Variants in VCL observed in about 807,000 individuals in gnomAD.
The protein encoded by VCL is vinculin.
Under a neutral mutation model 125.7 loss-of-function variants are expected in VCL, and 47 were observed. The observed-to-expected ratio is 0.37, with a 90% CI of 0.30 to 0.48. The LOEUF (loss-of-function observed/expected upper bound fraction) is 0.48. Ranked by LOEUF, VCL falls within the 20% of genes least tolerant of loss-of-function variation. The pLI is 0.99. For synonymous variants in VCL, 458 were observed against 514.6 expected, an observed-to-expected ratio of 0.89 and a Z score of 1.49; for missense variants, 1,069 against 1,455.5, an observed-to-expected ratio of 0.73 and a Z score of 4.32.
At chr10:74,082,588 TA>T in intron 7 of VCL, 44 bp downstream of exon 7, 8 of 1,596,166 alleles carry the variant, frequency 5.0e-6, no homozygotes, top group Non-Finnish European at 6.9e-6. Flanking sequence ...AACGAGAAGC[TA>T]AAAACCAAGC....
intron 2 of VCL, among the ~76,000 whole-genome samples, chr10:74,059,203 A>T (rs190835094): frequency 6.6e-6 from 1 of 152,076 alleles, no homozygotes; most frequent in East Asian, 1.9e-4. Flanking sequence ...AAAAATACAA[A>T]AACTAGTTCG....
rs1363606666 is a variant in VCL, at chr10:74,118,967, T to C, written c.*798T>C. On this transcript the variant is annotated 3_prime_UTR_variant, in exon 22 of 22. Transcript: ENST00000211998. The stretch of plus-strand genomic sequence containing the variant: ...CCATGAACACACTGTGTCCTGGTGC[T>C]CTCTGCCACTGGAAGGGCAGAGTAG... 1 of 152,846 alleles carries C rather than the reference T, an allele frequency of 6.5e-6. No individual in the cohort carries two copies. Among genetic ancestry groups the C allele is most frequent in the African/African-American group, 2.4e-5 (1 of 41,430 alleles). The allele number at this position is 152,846 out of a possible 1,614,324, so 9.5% of individuals were successfully genotyped here.
At chr10:74,018,196 AT>A (rs1840594156) in intron 1 of VCL, among the ~76,000 whole-genome samples, 11 of 140,906 alleles carry the variant, frequency 7.8e-5, no homozygotes, top group African/African-American at 2.6e-4. Flanking sequence ...ATATATATAT[AT>A]ATATAAATAC....
chr10:74,099,065 C>A (rs962240038), intron 13 of VCL, among the ~76,000 whole-genome samples: 1 of 152,192 alleles, frequency 6.6e-6, no homozygotes, highest in Non-Finnish European at 1.5e-5. Context: ...GTCCCCTAGT[C>A]CCCCTAGAGC....
intron 7 of VCL, among the ~76,000 whole-genome samples, chr10:74,082,774 G>A (rs1184124319): frequency 6.6e-6 from 1 of 152,154 alleles, no homozygotes; most frequent in African/African-American, 2.4e-5. Flanking sequence ...GTCATACTGA[G>A]CTGGGCATTC....
intron 6 of VCL, chr10:74,077,893 AC>A (rs1839617074): frequency 3.7e-6 from 1 of 269,896 alleles, no homozygotes; most frequent in African/African-American, 2.3e-5. Flanking sequence ...TTGACTTTAA[AC>A]ACTTCACTTA....
intron 2 of VCL, among the ~76,000 whole-genome samples, chr10:74,049,021 T>C (rs754592217): frequency 5.3e-5 from 8 of 152,060 alleles, no homozygotes; most frequent in Non-Finnish European, 8.8e-5. Context: ...GGCAGGAGAA[T>C]GCGTGAACCC....
rs905682406 is a variant in VCL at position 74,097,955 on chromosome 10, C to T, written c.1872+623C>T. Among the ~76,000 whole-genome samples the T allele has an allele frequency of 7.9e-5, 12 of 152,168 alleles. No individual in the cohort carries two copies. The highest frequency in any genetic ancestry group is 7.2e-5 in the African/African-American group (3 of 41,438). On this transcript the variant is annotated intron_variant, in intron 13 of 21. Transcript: ENST00000211998. The surrounding 1 kb of genome is among the most constrained non-coding windows in gnomAD (Gnocchi z 4.1). Reference sequence around the variant, plus strand: ...GATTTCCATTATGTAAATACTCCCACGGTGGCTGTTTCAACATGAAGTCAC... The same window carrying T: ...GATTTCCATTATGTAAATACTCCCATGGTGGCTGTTTCAACATGAAGTCAC...
At chr10:74,105,446 A>C in intron 16 of VCL, 93 bp downstream of exon 16, 1 of 1,528,320 alleles carries the variant, frequency 6.5e-7, no homozygotes, top group South Asian at 1.1e-5. Flanking sequence ...CACCACATAC[A>C]AAGTCTGGGG....
rs759081621 is a variant in VCL at position 74,118,112 on chromosome 10, T to A, written c.3348T>A (p.Ile1116=). The change falls in exon 22 of 22, where the codon ATT becomes ATA. Residue 1116 remains isoleucine, a synonymous_variant. Coordinates refer to ENST00000211998, the MANE Select transcript of VCL (RefSeq NM_014000.3). ...VREAEAASIK[I]RTDAGFTLRW... is the part of the protein sequence containing the mutation. Reference sequence around the variant, plus strand: ...AAGCTGAAGCTGCTTCAATCAAAATTCGAACAGATGCTGGATTTACACTGC... The same window carrying A: ...AAGCTGAAGCTGCTTCAATCAAAATACGAACAGATGCTGGATTTACACTGC... The A allele has an allele frequency of 2.5e-6, 4 of 1,614,088 alleles. No individual in the cohort carries two copies. Among genetic ancestry groups the A allele is most frequent in the Non-Finnish European group, 3.4e-6 (4 of 1,180,022 alleles).
intron 2 of VCL, among the ~76,000 whole-genome samples, chr10:74,049,646 G>T (rs2136254329): frequency 6.6e-6 from 1 of 152,266 alleles, no homozygotes; most frequent in South Asian, 2.1e-4. Flanking sequence ...CATGGTGGGG[G>T]TGGTAGGAAC....
In VCL at chr10:74,070,103, C is replaced by T. The variant is rs1388874494; in HGVS notation, c.240-567C>T. Among the ~76,000 whole-genome samples the T allele has an allele frequency of 2.0e-5, 3 of 151,928 alleles. No individual in the cohort carries two copies. In the East Asian group the frequency reaches 5.8e-4, roughly 29 times the overall value. On this transcript the variant is annotated intron_variant, in intron 2 of 21. Coordinates refer to ENST00000211998, the MANE Select transcript of VCL (RefSeq NM_014000.3). ...AATGAGTGAGAAATTTATGCATTGC[C>T]TCATACTTTTTCTTTGTGTTTCTTC...
At chr10:74,019,692 C>G (rs972847765) in intron 1 of VCL, among the ~76,000 whole-genome samples, 2 of 152,182 alleles carry the variant, frequency 1.3e-5, no homozygotes, top group Admixed American at 6.5e-5. Flanking sequence ...TAGAGATAGA[C>G]TCATTATTAC....
chr10:74,087,219 G>A (rs1424538275), intron 8 of VCL, among the ~76,000 whole-genome samples: 1 of 151,032 alleles, frequency 6.6e-6, no homozygotes, highest in Non-Finnish European at 1.5e-5. Flanking sequence ...AGGAAAAAGT[G>A]TATATATACC....
intron 18 of VCL, among the ~76,000 whole-genome samples, chr10:74,110,078 T>A (rs1186003908): frequency 1.3e-5 from 2 of 152,132 alleles, no homozygotes; most frequent in African/African-American, 4.8e-5. Flanking sequence ...TAACTCTGTA[T>A]TTTGCTGAAC....
chr10:74,037,634 C>T (rs976118670), intron 1 of VCL, among the ~76,000 whole-genome samples: 1 of 152,234 alleles, frequency 6.6e-6, no homozygotes, highest in African/African-American at 2.4e-5. Flanking sequence ...ACCAGCGTGT[C>T]TTTCTAGTCC....
In VCL at chr10:74,107,435, G is replaced by T. The variant is rs2279648; in HGVS notation, c.2559+81G>T. On this transcript the variant is annotated intron_variant, in intron 17 of 21. Transcript: ENST00000211998. Reference sequence around the variant, plus strand: ...AGAGAGAGGTAGATTGTGTTTTAGAGCCTCCATCACTAGGTGGCTTCGTTT... The same window carrying T: ...AGAGAGAGGTAGATTGTGTTTTAGATCCTCCATCACTAGGTGGCTTCGTTT... The T allele has an allele frequency of 0.13, 205,081 of 1,608,142 alleles. 13,469 individuals carry two copies. Among genetic ancestry groups the T allele is most frequent in the Middle Eastern group, 0.16 (988 of 6,014 alleles).
intron 2 of VCL, among the ~76,000 whole-genome samples, chr10:74,055,694 C>T (rs533222635): frequency 6.6e-6 from 1 of 152,218 alleles, no homozygotes; most frequent in East Asian, 1.9e-4. Context: ...TTCATCACAA[C>T]AGAATCAACA....
intron 1 of VCL, among the ~76,000 whole-genome samples, chr10:74,005,586 T>A (rs1840308428): frequency 6.6e-6 from 1 of 152,180 alleles, no homozygotes; most frequent in African/African-American, 2.4e-5. Flanking sequence ...TTCCAATCAT[T>A]TTTAACATTT....
Sources: gnomAD v4.1 joint callset for allele counts (sites outside exome capture counted in the v4.1 genomes callset) on GRCh38, gnomAD v4.1.1 for gene constraint, Gnocchi (gnomAD v3.1) non-coding constraint, MANE v1.5 for transcripts, NCBI Gene and HGNC (gene_info 2026-07-23, HGNC 2026-07-21) for gene names.